Variants in DNAJC3 observed in about 807,000 individuals in gnomAD.
The protein encoded by DNAJC3 is DnaJ heat shock protein family (Hsp40) member C3, also known as dnaJ homolog subfamily C member 3.
In DNAJC3, 38 loss-of-function variants were observed where a neutral mutation model predicts 68.6. That is an observed-to-expected ratio of 0.55 (90% CI 0.43 to 0.73). The LOEUF is 0.73. DNAJC3 is among the 30% of genes least tolerant of loss of function. The pLI, the probability that DNAJC3 is intolerant of heterozygous loss-of-function variation, is 0.00. For missense variants in DNAJC3, 526 were observed against 591.9 expected (o/e 0.89, Z 1.16); for synonymous variants, 203 against 204.0 (o/e 1.00, Z 0.04).
At chr13:95,778,653 G>T (rs761038667) in intron 9 of DNAJC3, among the ~76,000 whole-genome samples, 2 of 152,142 alleles carry the variant, frequency 1.3e-5, no homozygotes, top group Non-Finnish European at 2.9e-5. Context: ...CTTAAAAAGA[G>T]AAAATAGAAT....
chr13:95,697,463 G>A (rs186970805), intron 1 of DNAJC3, among the ~76,000 whole-genome samples: 2 of 152,102 alleles, frequency 1.3e-5, no homozygotes, highest in Non-Finnish European at 1.5e-5. Context: ...TTTAAGATTC[G>A]CTGATAGTCT....
rs532253512 is a variant in DNAJC3 at position 95,739,078 on chromosome 13, T to G, written c.393+13826T>G. On this transcript the variant is annotated intron_variant, in intron 4 of 11. Coordinates refer to ENST00000602402, the MANE Select transcript of DNAJC3 (RefSeq NM_006260.5). ...TAAAGGATTTTATTTCTCCTTCACT[T>G]ATGAAGCTTAGTTTGGCTGGATATG... Among the ~76,000 whole-genome samples, 458 of 152,258 alleles carry G rather than the reference T, an allele frequency of 3.0e-3. 3 individuals are homozygous for G. The highest frequency in any genetic ancestry group is 0.011 in the African/African-American group (437 of 41,552).
At chr13:95,705,118 C>T (rs1421100914) in intron 1 of DNAJC3, among the ~76,000 whole-genome samples, 1 of 152,098 alleles carries the variant, frequency 6.6e-6, no homozygotes, top group Non-Finnish European at 1.5e-5. Flanking sequence ...TCCCAAAGTG[C>T]TGGGATTACA....
chr13:95,678,288 C>A (rs1879820678), intron 1 of DNAJC3, among the ~76,000 whole-genome samples: 1 of 152,032 alleles, frequency 6.6e-6, no homozygotes, highest in Non-Finnish European at 1.5e-5. Flanking sequence ...CAAATTAAAC[C>A]TTTGAGTATT....
intron 9 of DNAJC3, among the ~76,000 whole-genome samples, chr13:95,764,369 CTCTCTCTATATA>C (rs896541726): frequency 9.5e-5 from 13 of 136,718 alleles, no homozygotes; most frequent in African/African-American, 4.2e-4. Flanking sequence ...CTCTCTCTCT[CTCTCTCTATATA>C]TATATATATA....
At chr13:95,692,024 C>G (rs1487401492) in intron 1 of DNAJC3, among the ~76,000 whole-genome samples, 1 of 151,598 alleles carries the variant, frequency 6.6e-6, no homozygotes, top group Non-Finnish European at 1.5e-5. Context: ...AGCTTCAGCT[C>G]GGCATCAGAG....
intron 4 of DNAJC3, among the ~76,000 whole-genome samples, chr13:95,754,322 A>T (rs1882585067): frequency 6.6e-6 from 1 of 152,162 alleles, no homozygotes; most frequent in Non-Finnish European, 1.5e-5. Flanking sequence ...ATGTCACAAC[A>T]TGGCAGCTTG....
Position 95,792,141 on chromosome 13 carries a change from C to A in DNAJC3, c.*1111C>A, listed in dbSNP as rs1278435122. 3 of 152,148 alleles carry A rather than the reference C, an allele frequency of 2.0e-5. No homozygotes were observed. Among genetic ancestry groups the A allele is most frequent in the African/African-American group, 7.2e-5 (3 of 41,440 alleles). The allele number at this position is 152,148 out of a possible 1,614,324, so 9.4% of individuals were successfully genotyped here. The stretch of plus-strand genomic sequence containing the variant: ...TCTCCTGCCTACAAGAAAATACAGG[C>A]AAGGTTAGTCAGGTCTGGCTATATT... On this transcript the variant is annotated 3_prime_UTR_variant, in exon 12 of 12. Coordinates refer to ENST00000602402, the MANE Select transcript of DNAJC3 (RefSeq NM_006260.5).
intron 7 of DNAJC3, 90 bp downstream of exon 7, chr13:95,760,888 C>T: frequency 1.3e-6 from 2 of 1,497,414 alleles, no homozygotes; most frequent in South Asian, 1.3e-5. Flanking sequence ...TTTTACTTCT[C>T]AGCCATTGAG....
chr13:95,767,691 G>GTTTTTTTTTTTT (rs796243780), intron 9 of DNAJC3, among the ~76,000 whole-genome samples: 135 of 135,766 alleles, frequency 9.9e-4, no homozygotes, highest in African/African-American at 3.5e-3. Flanking sequence ...AGTTTTTTGG[G>GTTTTTTTTTTTT]TTTTTTTTTT....
At chr13:95,703,068 G>C (rs146199859) in intron 1 of DNAJC3, among the ~76,000 whole-genome samples, 1 of 152,180 alleles carries the variant, frequency 6.6e-6, no homozygotes, top group Non-Finnish European at 1.5e-5. Flanking sequence ...TAAAGTCATC[G>C]TGAACACTGC....
chr13:95,725,667 T>C (rs17879366), intron 4 of DNAJC3, among the ~76,000 whole-genome samples: 13,715 of 151,924 alleles, frequency 0.09, 906 homozygotes, highest in African/African-American at 0.19. Context: ...CTTTTTTTTT[T>C]TCTCTTTTTT....
chr13:95,696,150 G>A (rs962369266), intron 1 of DNAJC3, among the ~76,000 whole-genome samples: 1 of 151,958 alleles, frequency 6.6e-6, no homozygotes, highest in Non-Finnish European at 1.5e-5. Flanking sequence ...CATGAATATC[G>A]ACCAGTACTG....
At chr13:95,786,144 T>C in intron 10 of DNAJC3, 73 bp downstream of exon 10, 2 of 1,396,976 alleles carry the variant, frequency 1.4e-6, no homozygotes, top group African/African-American at 2.9e-5. Context: ...TTGCTCTTTT[T>C]CCTCTCTGAT....
chr13:95,767,165 A>C (rs1346912414), intron 9 of DNAJC3, among the ~76,000 whole-genome samples: 3 of 152,164 alleles, frequency 2.0e-5, no homozygotes, highest in Non-Finnish European at 4.4e-5. Flanking sequence ...TGTATCCCTT[A>C]AACAGCCGCT....
At position 95,723,322 on chromosome 13, in the gene DNAJC3, CCTGATT is replaced by C; in HGVS notation, c.275_280del (p.Pro92_Asp93del). ...TATGGGCAAATCAAAAGCTGCACTT[CCTGATT>C]TAACTAAAGTGATTCAATTGAAGAT... On this transcript the variant is annotated inframe_deletion, in exon 3 of 12. Transcript: ENST00000602402. 1 of 1,611,138 alleles carries C rather than the reference CCTGATT, an allele frequency of 6.2e-7. No individual in the cohort carries two copies. The highest frequency in any genetic ancestry group is 8.5e-7 in the Non-Finnish European group (1 of 1,177,826).
intron 1 of DNAJC3, among the ~76,000 whole-genome samples, chr13:95,688,920 TTGTGTGGGTGTGTGTG>T (rs1880139833): frequency 8.0e-6 from 1 of 124,352 alleles, no homozygotes. Flanking sequence ...GCCCATTTGA[TTGTGTGGGTGTGTGTG>T]TGTGTGTGTG....
chr13:95,774,462 C>T (rs1883245159), intron 9 of DNAJC3, among the ~76,000 whole-genome samples: 1 of 152,098 alleles, frequency 6.6e-6, no homozygotes, highest in Non-Finnish European at 1.5e-5. Flanking sequence ...ATGGTATCTA[C>T]CTTGATGAAT....
chr13:95,682,572 C>T (rs975119007), intron 1 of DNAJC3, among the ~76,000 whole-genome samples: 3 of 152,062 alleles, frequency 2.0e-5, no homozygotes, highest in African/African-American at 7.2e-5. Flanking sequence ...CTACCTTTTT[C>T]CCTGCCCTTG....
Sources: allele counts gnomAD v4.1 joint callset (sites outside exome capture counted in the v4.1 genomes callset), GRCh38; gene constraint gnomAD v4.1.1; transcripts MANE v1.5; gene names NCBI Gene and HGNC (gene_info 2026-07-23, HGNC 2026-07-21).